CFAP92: variants seen among roughly 807,000 people sequenced by gnomAD.
CFAP92 encodes the protein uncharacterized protein CFAP92.
Under a neutral mutation model 106.3 loss-of-function variants are expected in CFAP92, and 86 were observed. The observed-to-expected ratio is 0.81, with a 90% CI of 0.68 to 0.97. CFAP92 has a LOEUF of 0.97. Ranked by LOEUF, CFAP92 falls within the 50% of genes least tolerant of loss-of-function variation. The pLI, the probability that CFAP92 is intolerant of heterozygous loss-of-function variation, is 0.00. For synonymous variants in CFAP92, 477 were observed against 506.4 expected, an observed-to-expected ratio of 0.94 and a Z score of 0.78; for missense variants, 1,204 against 1,283.8, an observed-to-expected ratio of 0.94 and a Z score of 0.95.
At chr3:128,971,551 G>A (rs889051150) in intron 7 of CFAP92, 118 bp from the exon 8 acceptor site, 5 of 861,150 alleles carry the variant, frequency 5.8e-6, no homozygotes, top group Non-Finnish European at 8.7e-6. Context: ...AGAAGGCAGG[G>A]GTTATTCTTT....
chr3:128,913,338 C>G (rs983943230), intron 15 of CFAP92, among the ~76,000 whole-genome samples: 11 of 152,210 alleles, frequency 7.2e-5, no homozygotes, highest in African/African-American at 2.7e-4. Flanking sequence ...GAGGCTGTCT[C>G]AGCTGATGAT....
At chr3:128,940,803 C>T (rs1939547411) in intron 10 of CFAP92, among the ~76,000 whole-genome samples, 1 of 151,750 alleles carries the variant, frequency 6.6e-6, no homozygotes, top group Non-Finnish European at 1.5e-5. Context: ...TCAAGGGTAT[C>T]TTCTTTAAAA....
intron 9 of CFAP92, among the ~76,000 whole-genome samples, chr3:128,950,919 C>T (rs964724207): frequency 3.9e-5 from 6 of 152,162 alleles, no homozygotes; most frequent in Admixed American, 3.9e-4. Flanking sequence ...ACGGGGAGTG[C>T]GGGGAACCCT....
At chr3:128,913,494 G>GTACACCAGGTCCCAGCA (rs1340986991) in intron 15 of CFAP92, among the ~76,000 whole-genome samples, 9 of 152,110 alleles carry the variant, frequency 5.9e-5, no homozygotes, top group Non-Finnish European at 1.0e-4. Context: ...AGGTCCCAGC[G>GTACACCAGGTCCCAGCA]TGCTCACTGT....
upstream of CFAP92, chr3:129,003,210 C>T: frequency 1.0e-6 from 1 of 985,326 alleles, no homozygotes; most frequent in Non-Finnish European, 1.2e-6. Flanking sequence ...GGAAACTACT[C>T]CTCTGATGTG....
At chr3:128,929,837 G>A (rs1273814110) in intron 12 of CFAP92, among the ~76,000 whole-genome samples, 1 of 152,148 alleles carries the variant, frequency 6.6e-6, no homozygotes, top group African/African-American at 2.4e-5. Flanking sequence ...TCTAAAACTG[G>A]ATTGTGATGA....
At chr3:128,965,191 T>G (rs983682531) in intron 9 of CFAP92, among the ~76,000 whole-genome samples, 1 of 152,168 alleles carries the variant, frequency 6.6e-6, no homozygotes, top group African/African-American at 2.4e-5. Context: ...GAGAATGTAC[T>G]TTGTGAGATC....
upstream of CFAP92, chr3:129,003,245 C>T (rs905892299): frequency 2.0e-6 from 2 of 985,230 alleles, no homozygotes; most frequent in African/African-American, 1.7e-5. Context: ...GTACTGGGAG[C>T]CATGGGATGC....
Position 128,994,073 on chromosome 3 carries a change from G to C in CFAP92, c.-126C>G. 1.0e-6 allele frequency: 1 copy of C among 985,968 alleles called. No homozygotes were observed. The highest frequency in any genetic ancestry group is 1.2e-6 in the Non-Finnish European group (1 of 830,098). The allele number at this position is 985,968 out of a possible 1,614,324, so 61.1% of individuals were successfully genotyped here. On this transcript the variant is annotated 5_prime_UTR_variant, in exon 1 of 16. Coordinates refer to ENST00000645291, the MANE Select transcript of CFAP92 (RefSeq NM_001394090.1). Reference sequence around the variant, plus strand: ...AGCCACCTGGGCGAAGAGACTCCAAGACTGAGAGGAGCGTCCGCCGGTGCA... The same window carrying C: ...AGCCACCTGGGCGAAGAGACTCCAACACTGAGAGGAGCGTCCGCCGGTGCA...
Position 128,965,607 on chromosome 3 carries a change from C to A in CFAP92, c.1257G>T (p.Met419Ile). 2.5e-6 allele frequency: 1 copy of A among 398,980 alleles called. No homozygotes were observed. Among genetic ancestry groups the A allele is most frequent in the South Asian group, 1.3e-4 (1 of 7,838 alleles). 24.7% of individuals were successfully genotyped at this position (398,980 alleles called of 1,614,324 possible). Residue 419 changes from methionine to isoleucine, a missense_variant, in exon 9 of 16, where the codon ATG becomes ATT. Physicochemically the swap from Met to Ile is conservative, Grantham distance 10 (BLOSUM62 1). Coordinates refer to ENST00000645291, the MANE Select transcript of CFAP92 (RefSeq NM_001394090.1). ...LLTLKTEVPI[M>I]TEEQKQDLNP... ...TTAAATCCTGCTTTTGCTCCTCGGTCATGATCGGAACTTCTGTTTTTAAAG... is the reference window on the plus strand; with the variant it reads ...TTAAATCCTGCTTTTGCTCCTCGGTAATGATCGGAACTTCTGTTTTTAAAG...
In CFAP92 at chr3:128,956,905, A is replaced by AGG. The variant is rs1941470777; in HGVS notation, c.1353+8604_1353+8605dup. On this transcript the variant is annotated intron_variant, in intron 9 of 15. Transcript: ENST00000645291. ...TGAGGCAGGAGAATCACTTGAACCC[A>AGG]GGAGGCAGACGTTGCAGTGAGCCAA... Among the ~76,000 whole-genome samples, 4 of 147,762 alleles carry AGG rather than the reference A, an allele frequency of 2.7e-5. No individual in the cohort carries two copies. In the Admixed American group the frequency reaches 2.7e-4, roughly 10 times the overall value.
intron 12 of CFAP92, among the ~76,000 whole-genome samples, chr3:128,920,779 C>T (rs544427408): frequency 1.9e-4 from 29 of 152,260 alleles, no homozygotes; most frequent in Non-Finnish European, 2.6e-4. Context: ...GTGGCTTGGA[C>T]GGAATCCAGG....
chr3:129,020,478 A>T, the CFAP92 span, among the ~76,000 whole-genome samples: 1 of 152,094 alleles, frequency 6.6e-6, no homozygotes, highest in Non-Finnish European at 1.5e-5. Flanking sequence ...CTCTACAAAA[A>T]ATACAAAAAT....
At chr3:128,993,477 A>T in intron 1 of CFAP92, 141 bp from the exon 2 acceptor site, 1 of 740,198 alleles carries the variant, frequency 1.4e-6, no homozygotes. Flanking sequence ...GGGCTCCTTC[A>T]CTGCCTGCCA....
intron 9 of CFAP92, among the ~76,000 whole-genome samples, chr3:128,952,552 G>A (rs1940916895): frequency 6.6e-6 from 1 of 152,182 alleles, no homozygotes; most frequent in Admixed American, 6.5e-5. Flanking sequence ...TATCTGAAAA[G>A]GAATCTGAAG....
intron 15 of CFAP92, chr3:128,912,691 T>C: frequency 8.0e-7 from 1 of 1,250,868 alleles, no homozygotes; most frequent in South Asian, 1.2e-5. Flanking sequence ...TCAGAAGGTG[T>C]TGGGATTATC....
chr3:128,989,918 CAGAA>C (rs1408108376), intron 2 of CFAP92, among the ~76,000 whole-genome samples: 1 of 152,160 alleles, frequency 6.6e-6, no homozygotes, highest in Admixed American at 6.5e-5. Flanking sequence ...TTTCTGTAGA[CAGAA>C]AGGCAAGTTA....
intron 4 of CFAP92, among the ~76,000 whole-genome samples, chr3:128,987,037 T>C (rs1943898697): frequency 6.6e-6 from 1 of 152,160 alleles, no homozygotes; most frequent in Non-Finnish European, 1.5e-5. Flanking sequence ...GGCGCATGCC[T>C]GGAGTCCCAG....
intron 1 of CFAP92, among the ~76,000 whole-genome samples, chr3:128,999,531 C>CTTTTTTTT (rs5852556): frequency 9.8e-5 from 7 of 71,594 alleles, no homozygotes; most frequent in African/African-American, 1.2e-4. Flanking sequence ...AAATCAGGTT[C>CTTTTTTTT]TTTTTTTTTT....
Sources: allele counts gnomAD v4.1 joint callset (sites outside exome capture counted in the v4.1 genomes callset), GRCh38; gene constraint gnomAD v4.1.1; transcripts MANE v1.5; gene names NCBI Gene and HGNC (gene_info 2026-07-23, HGNC 2026-07-21).